KIAA0319L: variants seen among roughly 807,000 people sequenced by gnomAD.
KIAA0319L encodes KIAA0319 like, also known as dyslexia-associated protein KIAA0319-like protein.
KIAA0319L carries 55 observed loss-of-function variants against 120.1 expected under a neutral mutation model. The observed-to-expected ratio is 0.46, with a 90% CI of 0.37 to 0.57. KIAA0319L has a LOEUF of 0.57. Ranked by LOEUF, KIAA0319L falls within the 20% of genes least tolerant of loss-of-function variation. The probability of loss-of-function intolerance (pLI) is 0.00; values close to 1 mark genes in which losing one functional copy is unlikely to be tolerated. For missense variants in KIAA0319L, 1,049 were observed against 1,255.3 expected (o/e 0.84, Z 2.48); for synonymous variants, 398 against 471.9 (o/e 0.84, Z 2.03).
At chr1:35,451,313 A>G (rs578090769) in intron 13 of KIAA0319L, among the ~76,000 whole-genome samples, 1 of 152,172 alleles carries the variant, frequency 6.6e-6, no homozygotes, top group African/African-American at 2.4e-5. Flanking sequence ...ATAAAAATGC[A>G]AAGAATAGAA....
At position 35,557,402 on chromosome 1, in the gene KIAA0319L, A is replaced by C. The variant is rs937295208; in HGVS notation, c.-224T>G. On this transcript the variant is annotated 5_prime_UTR_variant, in exon 1 of 21. Transcript: ENST00000325722. ...CCCTGGACAGCGACGGCGGCCGGAA[A>C]CACCGCCTCCTCCCACCTCCCCGGG... 9.6e-6 allele frequency: 3 copies of C among 312,682 alleles called. No homozygotes were observed. Among genetic ancestry groups the C allele is most frequent in the Non-Finnish European group, 1.3e-5 (2 of 159,340 alleles). The allele number at this position is 312,682 out of a possible 1,614,324, so 19.4% of individuals were successfully genotyped here.
At chr1:35,435,203 G>A (rs1328463310) in intron 20 of KIAA0319L, 122 bp from the exon 21 acceptor site, 2 of 869,324 alleles carry the variant, frequency 2.3e-6, no homozygotes, top group Admixed American at 5.1e-5. Flanking sequence ...TCTCCAGGCT[G>A]GGAGGTGCAG....
At chr1:35,556,327 T>G (rs922594282) in intron 1 of KIAA0319L, 5 of 152,368 alleles carry the variant, frequency 3.3e-5, no homozygotes, top group Admixed American at 6.5e-5. Context: ...TGGAACTCCA[T>G]TTATGTACAC....
At chr1:35,452,874 A>C (rs1188636) in intron 12 of KIAA0319L, among the ~76,000 whole-genome samples, 3,205 of 152,240 alleles carry the variant, frequency 0.021, 112 homozygotes, top group African/African-American at 0.07. Context: ...ACAAAAAAAA[A>C]CCCAGGCTGT....
rs1414704674 is a variant in KIAA0319L at position 35,513,288 on chromosome 1, A to ATATATATAT, written c.143-6154_143-6153insATATATATA. On this transcript the variant is annotated intron_variant, in intron 2 of 20. Coordinates refer to ENST00000325722, the MANE Select transcript of KIAA0319L (RefSeq NM_024874.5). ...ATAACATATATATATATATATATAT[A>ATATATATAT]TTTTTTTTTTTTTTTTTTTCTGTCC... is the stretch of plus-strand genomic sequence containing the variant. Among the ~76,000 whole-genome samples the ATATATATAT allele has an allele frequency of 3.0e-4, 26 of 85,300 alleles. No homozygotes were observed. In the South Asian group the frequency reaches 3.5e-3, roughly 11 times the overall value. The allele number at this position is 85,300 out of a possible 152,430, so 56.0% of individuals were successfully genotyped here.
intron 5 of KIAA0319L, among the ~76,000 whole-genome samples, chr1:35,471,199 TACCG>T (rs879843065): frequency 3.9e-5 from 6 of 152,182 alleles, no homozygotes; most frequent in Non-Finnish European, 8.8e-5. Context: ...TCCTGCCCTA[TACCG>T]ACCCTCTCAG....
chr1:35,435,216 GGGAA>G, intron 20 of KIAA0319L, 135 bp from the exon 21 acceptor site: 1 of 769,068 alleles, frequency 1.3e-6, no homozygotes, highest in Non-Finnish European at 2.1e-6. Context: ...AGGTGCAGAT[GGGAA>G]GGAAGCTTCC....
rs780388548 is a variant in KIAA0319L at position 35,466,590 on chromosome 1, C to T, written c.1201+18G>A. 5 of 1,579,698 alleles carry T rather than the reference C, an allele frequency of 3.2e-6. No individual in the cohort carries two copies. The Admixed American group carries it at 8.3e-5, about 26-fold the overall frequency. Reference sequence around the variant, plus strand: ...TGCAGAGGGAGGAAGGGAGACACAGCCAGGGCTGAAAACATACCTGGCTTG... The same window carrying T: ...TGCAGAGGGAGGAAGGGAGACACAGTCAGGGCTGAAAACATACCTGGCTTG... On this transcript the variant is annotated intron_variant, in intron 7 of 20. Coordinates refer to ENST00000325722, the MANE Select transcript of KIAA0319L (RefSeq NM_024874.5).
At chr1:35,466,819 G>T (rs1558367371) in intron 6 of KIAA0319L, 124 bp from the exon 7 acceptor site, 1 of 720,064 alleles carries the variant, frequency 1.4e-6, no homozygotes, top group Non-Finnish European at 2.3e-6. Flanking sequence ...TTCCAAAATG[G>T]AAAAGGTAAA....
intron 2 of KIAA0319L, among the ~76,000 whole-genome samples, chr1:35,534,948 T>C (rs1273696318): frequency 7.4e-6 from 1 of 135,344 alleles, no homozygotes; most frequent in Non-Finnish European, 1.6e-5. Context: ...AGTCAAAAAA[T>C]CAGCCAGCTG....
intron 3 of KIAA0319L, among the ~76,000 whole-genome samples, chr1:35,481,516 T>C (rs934386971): frequency 2.0e-4 from 30 of 152,200 alleles, no homozygotes; most frequent in Non-Finnish European, 4.1e-4. Context: ...ACTTTCCTGA[T>C]GACTAATAAT....
chr1:35,458,191 C>T (rs1642626853), intron 9 of KIAA0319L, among the ~76,000 whole-genome samples: 1 of 152,218 alleles, frequency 6.6e-6, no homozygotes, highest in South Asian at 2.1e-4. Flanking sequence ...CCGCCTCAGC[C>T]TCCCAAAGTG....
chr1:35,436,838 G>A lies in KIAA0319L; in HGVS notation c.2963-1757C>T, dbSNP rs1188634. ...TGGCAAACTGTCCGTCCAGACTCCC[G>A]CGCACACACATCCTCTTTCCCCCCA... is the stretch of plus-strand genomic sequence containing the variant. On this transcript the variant is annotated intron_variant, in intron 20 of 20. Transcript: ENST00000325722. Among the ~76,000 whole-genome samples, 954 of 152,084 alleles carry A rather than the reference G, an allele frequency of 6.3e-3. 15 individuals are homozygous for A. The highest frequency in any genetic ancestry group is 0.02 in the Middle Eastern group (6 of 294).
rs568967770 is a variant in KIAA0319L at position 35,493,243 on chromosome 1, A to G, written c.666+13369T>C. On this transcript the variant is annotated intron_variant, in intron 3 of 20. Coordinates refer to ENST00000325722, the MANE Select transcript of KIAA0319L (RefSeq NM_024874.5). ...AAAAGTAATTGTATTCCTATATACC[A>G]GCAACAAACAATCAGACACTGGGTT... 6.6e-5 allele frequency among the ~76,000 whole-genome samples: 10 copies of G among 152,320 alleles called. 1 individual carries two copies. In the South Asian group the frequency reaches 1.9e-3, roughly 28 times the overall value.
intron 3 of KIAA0319L, among the ~76,000 whole-genome samples, chr1:35,484,794 ATATATATATATATTTTT>A (rs1225360720): frequency 6.8e-5 from 3 of 43,872 alleles, no homozygotes; most frequent in African/African-American, 3.7e-4. Flanking sequence ...ATATATATAT[ATATATATATATATTTTT>A]TTTTTTATTA....
chr1:35,533,632 A>C lies in KIAA0319L; in HGVS notation c.142+20718T>G, dbSNP rs538758254. ...TATCAAGGAGAAAGGCACAGCCTTAAATTTGTCTCTTTATTCAGTAATTGA... is the reference window on the plus strand; with the variant it reads ...TATCAAGGAGAAAGGCACAGCCTTACATTTGTCTCTTTATTCAGTAATTGA... On this transcript the variant is annotated intron_variant, in intron 2 of 20. Transcript: ENST00000325722. Among the ~76,000 whole-genome samples the C allele has an allele frequency of 1.4e-4, 21 of 152,332 alleles. No individual in the cohort carries two copies. In the South Asian group the frequency reaches 2.7e-3, roughly 20 times the overall value.
intron 3 of KIAA0319L, among the ~76,000 whole-genome samples, chr1:35,483,561 T>A (rs931851432): frequency 5.9e-5 from 9 of 152,344 alleles, no homozygotes; most frequent in Admixed American, 2.6e-4. Flanking sequence ...TTCTGGACTC[T>A]ATATTATGTT....
intron 20 of KIAA0319L, chr1:35,438,463 C>T (rs1640952061): frequency 6.6e-6 from 1 of 151,832 alleles, no homozygotes; most frequent in Non-Finnish European, 1.5e-5. Flanking sequence ...TATCTAACTT[C>T]CTTTCAGCTA....
chr1:35,531,188 G>T (rs1021978803), intron 2 of KIAA0319L, among the ~76,000 whole-genome samples: 2 of 152,212 alleles, frequency 1.3e-5, no homozygotes, highest in South Asian at 4.1e-4. Flanking sequence ...AAGGGTATGG[G>T]GTTGCTGCTA....
Sources: gnomAD v4.1 joint callset for allele counts (sites outside exome capture counted in the v4.1 genomes callset) on GRCh38, gnomAD v4.1.1 for gene constraint, MANE v1.5 for transcripts, NCBI Gene and HGNC (gene_info 2026-07-23, HGNC 2026-07-21) for gene names.